ZMYND19: variants seen among roughly 807,000 people sequenced by gnomAD.
The protein encoded by ZMYND19 is zinc finger MYND domain-containing protein 19.
In ZMYND19, 17 loss-of-function variants were observed where a neutral mutation model predicts 32.0. The ratio of observed to expected loss-of-function variants is 0.53; its 90% confidence interval spans 0.36 to 0.80. The LOEUF (loss-of-function observed/expected upper bound fraction) is 0.80, where lower values mean the gene tolerates loss of function less well. Ranked by LOEUF, ZMYND19 falls within the 30% of genes least tolerant of loss-of-function variation. The probability of loss-of-function intolerance (pLI) is 0.00; values close to 1 mark genes in which losing one functional copy is unlikely to be tolerated. For missense variants in ZMYND19, 250 were observed against 293.6 expected (o/e 0.85, Z 1.09); for synonymous variants, 124 against 113.6 (o/e 1.09, Z -0.58).
chr9:137,583,050 T>A lies in ZMYND19; in HGVS notation c.473A>T (p.Glu158Val), dbSNP rs1359602076. The change falls in exon 5 of 6, where the codon GAA becomes GTA. Residue 158 changes from glutamate (E) to valine (V), a missense_variant. By Grantham distance (121) the Glu-to-Val change is moderately radical (BLOSUM62 -2). Around this residue, in one of 2 missense-constraint regions of ZMYND19, gnomAD observed 212 missense variants for 218.8 expected, o/e 0.97. Transcript: ENST00000298585. ...GTAGGTGCAAGAGTTCTCCTCCTCT[T>A]CCACTACATCCCCGTTGGCATTATA... ...RYYNANGDVV[E>V]EEENSCTYYE... is the part of the protein sequence containing the mutation. The A allele has an allele frequency of 6.2e-7, 1 of 1,614,148 alleles. No individual in the cohort carries two copies. Among genetic ancestry groups the A allele is most frequent in the South Asian group, 1.1e-5 (1 of 91,076 alleles).
rs1018663202 is a variant in ZMYND19 at position 137,582,350 on chromosome 9, G to A, written c.*193C>T. On this transcript the variant is annotated 3_prime_UTR_variant, in exon 6 of 6. Coordinates refer to ENST00000298585, the MANE Select transcript of ZMYND19 (RefSeq NM_138462.3). ...AACCGTCCTGGTGGGAGCCTCCTCC[G>A]TTGTCTCTGCTGGAGATGAACACTG... 1.4e-4 allele frequency: 98 copies of A among 677,664 alleles called. No homozygotes were observed. The highest frequency in any genetic ancestry group is 1.0e-3 in the South Asian group (46 of 45,958). The allele number at this position is 677,664 out of a possible 1,614,324, so 42.0% of individuals were successfully genotyped here.
In ZMYND19 at chr9:137,582,526, T is replaced by C. The variant is rs1842158539; in HGVS notation, c.*17A>G. The C allele has an allele frequency of 6.2e-7, 1 of 1,610,244 alleles. No homozygotes were observed. On this transcript the variant is annotated 3_prime_UTR_variant, in exon 6 of 6. Coordinates refer to ENST00000298585, the MANE Select transcript of ZMYND19 (RefSeq NM_138462.3). ...GTAGAGCCCGGGGGCTGTGAGTATG[T>C]GTGGCTCCCCTGCCCGTCATCGCTC...
chr9:137,582,860 A>T (rs1842162880), intron 5 of ZMYND19, 123 bp downstream of exon 5: 1 of 1,510,266 alleles, frequency 6.6e-7, no homozygotes, highest in South Asian at 1.3e-5. Context: ...CTGGTGGAAA[A>T]GCCCAAGAGG....
chr9:137,587,630 G>C, intron 3 of ZMYND19, 87 bp downstream of exon 3: 1 of 1,155,656 alleles, frequency 8.7e-7, no homozygotes, highest in East Asian at 2.3e-5. Context: ...GGGCTTCAGC[G>C]GGGCAGGGGG....
rs1176240940 is a variant in ZMYND19, at chr9:137,582,615, G to A, written c.612C>T (p.Asp204=). The part of the protein sequence containing the change: ...RYCGSQCQQK[D]WPAHKKHCRE... ...GACAGTGCTTCTTGTGGGCAGGCCAGTCCTTCTGCTGGCACTGGGAGCCGC... is the reference window on the plus strand; with the variant it reads ...GACAGTGCTTCTTGTGGGCAGGCCAATCCTTCTGCTGGCACTGGGAGCCGC... Residue 204 remains aspartate, a synonymous_variant, in exon 6 of 6, where the codon GAC becomes GAT. Coordinates refer to ENST00000298585, the MANE Select transcript of ZMYND19 (RefSeq NM_138462.3). The A allele has an allele frequency of 2.5e-6, 4 of 1,613,598 alleles. No individual in the cohort carries two copies. In the East Asian group the frequency reaches 8.9e-5, roughly 36 times the overall value.
intron 4 of ZMYND19, 114 bp from the exon 5 acceptor site, chr9:137,583,277 T>C: frequency 8.5e-7 from 1 of 1,172,406 alleles, no homozygotes; most frequent in Non-Finnish European, 1.2e-6. Flanking sequence ...CAGCCCGAGT[T>C]TGAGTCTCCT....
chr9:137,584,274 T>G (rs1000458971), intron 4 of ZMYND19, among the ~76,000 whole-genome samples: 5 of 152,356 alleles, frequency 3.3e-5, no homozygotes, highest in African/African-American at 1.2e-4. Context: ...GCCCACCTCC[T>G]GTAGCAGGGG....
At position 137,583,046 on chromosome 9, in the gene ZMYND19, C is replaced by T; in HGVS notation, c.477G>A (p.Glu159=). 2 of 1,614,218 alleles carry T rather than the reference C, an allele frequency of 1.2e-6. No individual in the cohort carries two copies. Among genetic ancestry groups the T allele is most frequent in the Non-Finnish European group, 1.7e-6 (2 of 1,180,040 alleles). The change falls in exon 5 of 6, where the codon GAG becomes GAA. Residue 159 remains glutamate, a synonymous_variant. Coordinates refer to ENST00000298585, the MANE Select transcript of ZMYND19 (RefSeq NM_138462.3). Reference sequence around the variant, plus strand: ...CATAGTAGGTGCAAGAGTTCTCCTCCTCTTCCACTACATCCCCGTTGGCAT... The same window carrying T: ...CATAGTAGGTGCAAGAGTTCTCCTCTTCTTCCACTACATCCCCGTTGGCAT... ...YYNANGDVVE[E]EENSCTYYEC...
intron 1 of ZMYND19, 148 bp from the exon 2 acceptor site, chr9:137,588,866 A>C: frequency 2.5e-6 from 2 of 805,232 alleles, no homozygotes; most frequent in Non-Finnish European, 4.1e-6. Flanking sequence ...ACAGCTCAGC[A>C]CATGGGGGCC....
chr9:137,589,992 G>C (rs1030323284), intron 1 of ZMYND19: 8 of 985,244 alleles, frequency 8.1e-6, no homozygotes, highest in Non-Finnish European at 9.6e-6. Context: ...AGGGTGGCCA[G>C]GTGCACCCCA....
chr9:137,589,456 C>T, intron 1 of ZMYND19: 1 of 985,466 alleles, frequency 1.0e-6, no homozygotes, highest in Non-Finnish European at 1.2e-6. Flanking sequence ...AAGCCGCAGC[C>T]GCTGGTGACG....
chr9:137,585,257 T>C (rs1246478716), intron 4 of ZMYND19, among the ~76,000 whole-genome samples: 1 of 151,332 alleles, frequency 6.6e-6, no homozygotes, highest in Non-Finnish European at 1.5e-5. Context: ...ATCCCACCTC[T>C]ACTAAAAATA....
intron 1 of ZMYND19, chr9:137,589,348 G>A (rs934040927): frequency 2.0e-6 from 2 of 985,310 alleles, no homozygotes; most frequent in African/African-American, 1.7e-5. Flanking sequence ...ACAGGTCCCA[G>A]AACGGGCCAG....
Position 137,590,475 on chromosome 9 carries a change from G to GCCGCCA in ZMYND19, c.-218_-213dup, listed in dbSNP as rs1009341215. ...GGACCTGCCACGCGCCGCCGCCGCC[G>GCCGCCA]CCGCCACCGCCACCGCGCGCACCAC... On this transcript the variant is annotated 5_prime_UTR_variant, in exon 1 of 6. Transcript: ENST00000298585. This position sits in a 1 kb window ranked among gnomAD's most constrained non-coding sequence, Gnocchi z 4.2. 101 of 158,916 alleles carry GCCGCCA rather than the reference G, an allele frequency of 6.4e-4. No individual in the cohort carries two copies. Among genetic ancestry groups the GCCGCCA allele is most frequent in the Non-Finnish European group, 9.3e-4 (71 of 76,554 alleles). 9.8% of individuals were successfully genotyped at this position (158,916 alleles called of 1,614,324 possible).
At chr9:137,587,134 C>A (rs1329967812) in intron 3 of ZMYND19, 27 bp from the exon 4 acceptor site, 1 of 1,598,064 alleles carries the variant, frequency 6.3e-7, no homozygotes, top group African/African-American at 1.3e-5. Context: ...AACCCTGCAT[C>A]TAACCCTGCA....
At chr9:137,583,286 CT>C in intron 4 of ZMYND19, 123 bp from the exon 5 acceptor site, 1 of 1,047,342 alleles carries the variant, frequency 9.5e-7, no homozygotes, top group Non-Finnish European at 1.4e-6. Context: ...TTTGAGTCTC[CT>C]TTGGCCCATC....
intron 4 of ZMYND19, among the ~76,000 whole-genome samples, chr9:137,585,954 A>T (rs1171200491): frequency 6.6e-6 from 1 of 152,254 alleles, no homozygotes; most frequent in East Asian, 1.9e-4. Context: ...CCAGGGGAAC[A>T]TGTCAGTGAA....
rs974290136 is a variant in ZMYND19 at position 137,583,040 on chromosome 9, C to G, written c.483G>C (p.Glu161Asp). ...GGCACTCATAGTAGGTGCAAGAGTTCTCCTCCTCTTCCACTACATCCCCGT... is the reference window on the plus strand; with the variant it reads ...GGCACTCATAGTAGGTGCAAGAGTTGTCCTCCTCTTCCACTACATCCCCGT... ...NANGDVVEEE[E>D]NSCTYYECHY... Residue 161 changes from glutamate (E) to aspartate (D), a missense_variant, in exon 5 of 6, where the codon GAG becomes GAC. This residue lies in a region of ZMYND19 where 212 missense variants were observed against 218.8 expected (regional missense o/e 0.97). Coordinates refer to ENST00000298585, the MANE Select transcript of ZMYND19 (RefSeq NM_138462.3). 2 of 1,614,110 alleles carry G rather than the reference C, an allele frequency of 1.2e-6. No individual in the cohort carries two copies. The highest frequency in any genetic ancestry group is 2.7e-5 in the African/African-American group (2 of 74,950).
chr9:137,583,650 A>G (rs1842172012), intron 4 of ZMYND19, among the ~76,000 whole-genome samples: 1 of 91,742 alleles, frequency 1.1e-5, no homozygotes, highest in Non-Finnish European at 2.1e-5. Context: ...GGCTGCTCAG[A>G]GGCAAGCGTG....
Sources: gnomAD v4.1 joint callset for allele counts (sites outside exome capture counted in the v4.1 genomes callset) on GRCh38, gnomAD v4.1.1 for gene constraint, gnomAD v4.1.1 regional missense constraint, Gnocchi (gnomAD v3.1) non-coding constraint, MANE v1.5 for transcripts, NCBI Gene and HGNC (gene_info 2026-07-23, HGNC 2026-07-21) for gene names.